DSP: variants seen among roughly 807,000 people sequenced by gnomAD.
DSP encodes the protein desmoplakin.
Under a neutral mutation model 290.6 loss-of-function variants are expected in DSP, and 114 were observed. The ratio of observed to expected loss-of-function variants is 0.39; its 90% confidence interval spans 0.34 to 0.46. DSP has a LOEUF of 0.46. Among genes scored for constraint, DSP ranks in the 20% least tolerant of loss-of-function variants. The pLI is 0.99. For missense variants in DSP, 3,230 were observed against 3,495.8 expected (o/e 0.92, Z 1.92); for synonymous variants, 1,311 against 1,316.4 (o/e 1.00, Z 0.09).
rs1759407586 is a variant in DSP at position 7,580,767 on chromosome 6, A to G, written c.4577A>G (p.Asn1526Ser). The G allele has an allele frequency of 6.2e-7, 1 of 1,614,042 alleles. No homozygotes were observed. The highest frequency in any genetic ancestry group is 1.7e-5 in the Admixed American group (1 of 60,008). The change falls in exon 23 of 24, where the codon AAC becomes AGC. Residue 1526 changes from asparagine (N) to serine (S), a missense_variant. Asn to Ser is a conservative substitution (Grantham distance 46). Transcript: ENST00000379802. This position sits in a 1 kb window ranked among gnomAD's most constrained non-coding sequence, Gnocchi z 4.2. ...KANSSATETI[N>S]KLKVQEQELT... ...AACAGTAGTGCGACGGAGACAATAA[A>G]CAAACTGAAGGTTCAGGAGCAAGAA...
rs768628249 is a variant in DSP at position 7,584,653 on chromosome 6, G to C, written c.7391G>C (p.Arg2464Pro). ...TCACAAAAGAATACCCTCAGGAAGC[G>C]TAGAGTGGTCATAGTTGACCCAGAA... ...QTSQKNTLRK[R>P]RVVIVDPETN... Residue 2464 changes from arginine to proline, a missense_variant, in exon 24 of 24, where the codon CGT becomes CCT. Arg to Pro is a moderately radical substitution (Grantham distance 103). Transcript: ENST00000379802. This position sits in a 1 kb window ranked among gnomAD's most constrained non-coding sequence, Gnocchi z 6.4. The C allele has an allele frequency of 6.2e-7, 1 of 1,614,002 alleles. No individual in the cohort carries two copies. Among genetic ancestry groups the C allele is most frequent in the Non-Finnish European group, 8.5e-7 (1 of 1,180,010 alleles).
In DSP at chr6:7,583,121, C is replaced by G. The variant is rs752518537; in HGVS notation, c.5859C>G (p.Thr1953=). 5.6e-6 allele frequency: 9 copies of G among 1,613,834 alleles called. No homozygotes were observed. The highest frequency in any genetic ancestry group is 7.6e-6 in the Non-Finnish European group (9 of 1,180,022). The change falls in exon 24 of 24, where the codon ACC becomes ACG. Residue 1953 remains threonine (T), a synonymous_variant. Coordinates refer to ENST00000379802, the MANE Select transcript of DSP (RefSeq NM_004415.4). The surrounding 1 kb of genome is among the most constrained non-coding windows in gnomAD (Gnocchi z 4.0). ...GCCCATATGGGTCCCATCGAGAGAC[C>G]CAGACTGAGTGTGAGTGGACCGTTG... The part of the protein sequence containing the change: ...RQRPYGSHRE[T]QTECEWTVDT...
chr6:7,582,700 A>C lies in DSP; in HGVS notation c.5438A>C (p.Glu1813Ala). The C allele has an allele frequency of 6.2e-7, 1 of 1,613,668 alleles. No homozygotes were observed. The highest frequency in any genetic ancestry group is 8.5e-7 in the Non-Finnish European group (1 of 1,179,846). ...TGTACTCAGGTGGTACAGGAAAGAG[A>C]GAGCCTTCTGGTGAAAATCAAAGTC... ...NQCTQVVQER[E>A]SLLVKIKVLE... The change falls in exon 24 of 24, where the codon GAG becomes GCG. Residue 1813 changes from glutamate (E) to alanine (A), a missense_variant. Transcript: ENST00000379802. The surrounding 1 kb of genome is among the most constrained non-coding windows in gnomAD (Gnocchi z 4.2).
At chr6:7,551,690 C>A (rs1758347039) in intron 1 of DSP, among the ~76,000 whole-genome samples, 1 of 151,992 alleles carries the variant, frequency 6.6e-6, no homozygotes, top group Non-Finnish European at 1.5e-5. Flanking sequence ...GCTGAAGAAT[C>A]CAGTGCTACA....
Position 7,576,338 on chromosome 6 carries a change from G to C in DSP, c.2675G>C (p.Arg892Pro). Residue 892 changes from arginine (R) to proline (P), a missense_variant, in exon 19 of 24, where the codon CGT becomes CCT. Coordinates refer to ENST00000379802, the MANE Select transcript of DSP (RefSeq NM_004415.4). ...CAAATCAAGCAATTGAGGAATTATC[G>C]TGATAACTATCAGGCTTTCTGCAAG... is the stretch of plus-strand genomic sequence containing the variant. ...EKQIKQLRNY[R>P]DNYQAFCKWL... is the part of the protein sequence containing the mutation. 3 of 1,614,060 alleles carry C rather than the reference G, an allele frequency of 1.9e-6. No homozygotes were observed. The highest frequency in any genetic ancestry group is 2.5e-6 in the Non-Finnish European group (3 of 1,179,982).
At chr6:7,577,680 G>T (rs762773678) in intron 20 of DSP, 99 bp from the exon 21 acceptor site, 7 of 986,780 alleles carry the variant, frequency 7.1e-6, no homozygotes, top group African/African-American at 1.6e-5. Context: ...TGGGCAATTA[G>T]ACGTGCAGCC....
Position 7,583,743 on chromosome 6 carries a change from T to A in DSP, c.6481T>A (p.Ser2161Thr). Residue 2161 changes from serine (S) to threonine (T), a missense_variant, in exon 24 of 24, where the codon TCC becomes ACC. Ser to Thr is a moderately conservative substitution (Grantham distance 58, BLOSUM62 1). Coordinates refer to ENST00000379802, the MANE Select transcript of DSP (RefSeq NM_004415.4). The surrounding 1 kb of genome is among the most constrained non-coding windows in gnomAD (Gnocchi z 4.0). ...RGLIDRDLYR[S>T]LNDPRDSQKN... ...GCTGATTGATAGAGATTTGTATCGA[T>A]CCCTGAATGATCCCCGAGATAGTCA... 1 of 1,614,068 alleles carries A rather than the reference T, an allele frequency of 6.2e-7. No individual in the cohort carries two copies. Among genetic ancestry groups the A allele is most frequent in the East Asian group, 2.2e-5 (1 of 44,870 alleles).
chr6:7,567,230 T>C (rs1429341146), intron 8 of DSP, 124 bp from the exon 9 acceptor site: 6 of 806,584 alleles, frequency 7.4e-6, no homozygotes, highest in Admixed American at 1.9e-5. Flanking sequence ...TAGAAAAATA[T>C]CTGCTTGACT....
Position 7,579,910 on chromosome 6 carries a change from T to C in DSP, c.3720T>C (p.Asp1240=), listed in dbSNP as rs1759365530. ...CCAAAAATCTTAGAAACCAGCTTGA[T>C]AGACTTTCAAGGGAAAATCGAGATC... ...DDSKNLRNQL[D]RLSRENRDLK... The change falls in exon 23 of 24, where the codon GAT becomes GAC. Residue 1240 remains aspartate (D), a synonymous_variant. Transcript: ENST00000379802. This position sits in a 1 kb window ranked among gnomAD's most constrained non-coding sequence, Gnocchi z 4.1. 1.2e-6 allele frequency: 2 copies of C among 1,614,144 alleles called. No individual in the cohort carries two copies. Among genetic ancestry groups the C allele is most frequent in the Non-Finnish European group, 1.7e-6 (2 of 1,180,038 alleles).
Position 7,584,524 on chromosome 6 carries a change from A to G in DSP, c.7262A>G (p.Glu2421Gly). ...AAAGGATTTTTTGACCCCAACACTGAAGAAAATCTTACCTATCTGCAACTA... is the reference window on the plus strand; with the variant it reads ...AAAGGATTTTTTGACCCCAACACTGGAGAAAATCTTACCTATCTGCAACTA... ...DTKGFFDPNTEENLTYLQLKE... is the reference protein window; with the variant it reads ...DTKGFFDPNTGENLTYLQLKE... Residue 2421 changes from glutamate (E) to glycine (G), a missense_variant, in exon 24 of 24, where the codon GAA becomes GGA. By Grantham distance (98) the Glu-to-Gly change is moderately conservative. Coordinates refer to ENST00000379802, the MANE Select transcript of DSP (RefSeq NM_004415.4). This position sits in a 1 kb window ranked among gnomAD's most constrained non-coding sequence, Gnocchi z 6.4. 1 of 1,614,182 alleles carries G rather than the reference A, an allele frequency of 6.2e-7. No homozygotes were observed.
At chr6:7,570,990 G>A (rs1759026691) in intron 13 of DSP, among the ~76,000 whole-genome samples, 2 of 152,182 alleles carry the variant, frequency 1.3e-5, no homozygotes, top group South Asian at 2.1e-4. Flanking sequence ...ATGGTCTGAA[G>A]AATCCTAGCA....
At chr6:7,572,208 A>G (rs941232931) in intron 15 of DSP, 140 bp downstream of exon 15, 2 of 811,738 alleles carry the variant, frequency 2.5e-6, no homozygotes, top group Non-Finnish European at 4.0e-6. Context: ...GGATTTCCTT[A>G]TGTATTATGT....
At chr6:7,555,142 A>G (rs1352000379) in intron 1 of DSP, among the ~76,000 whole-genome samples, 1 of 152,198 alleles carries the variant, frequency 6.6e-6, no homozygotes, top group Non-Finnish European at 1.5e-5. Flanking sequence ...GCTGTGTGTC[A>G]TTGTCATTGC....
chr6:7,584,647 G>A lies in DSP; in HGVS notation c.7385G>A (p.Arg2462Lys). 5 of 1,614,144 alleles carry A rather than the reference G, an allele frequency of 3.1e-6. No homozygotes were observed. The highest frequency in any genetic ancestry group is 3.4e-6 in the Non-Finnish European group (4 of 1,180,016). The stretch of plus-strand genomic sequence containing the variant: ...CAGACATCACAAAAGAATACCCTCA[G>A]GAAGCGTAGAGTGGTCATAGTTGAC... ...QVQTSQKNTL[R>K]KRRVVIVDPE... is the part of the protein sequence containing the mutation. The change falls in exon 24 of 24, where the codon AGG becomes AAG. Residue 2462 changes from arginine (R) to lysine (K), a missense_variant. Around this residue, in one of 5 missense-constraint regions of DSP, gnomAD observed 582 missense variants for 555.4 expected, o/e 1.05. Transcript: ENST00000379802. This position sits in a 1 kb window ranked among gnomAD's most constrained non-coding sequence, Gnocchi z 6.4.
In DSP at chr6:7,571,754, CT is replaced by C. The variant is rs1282201813; in HGVS notation, c.1904-84del. On this transcript the variant is annotated intron_variant, in intron 14 of 23. Transcript: ENST00000379802. ...CTGAAATTCAAAGGAAGAAGGTATA[CT>C]TTTAGGTAGTATGGATGTTTTTTGA... is the stretch of plus-strand genomic sequence containing the variant. 4.6e-5 allele frequency: 70 copies of C among 1,511,652 alleles called. No individual in the cohort carries two copies. In the African/African-American group the frequency reaches 6.2e-4, roughly 13 times the overall value. The allele number at this position is 1,511,652 out of a possible 1,614,324, so 93.6% of individuals were successfully genotyped here. A position where few individuals can be genotyped will look rare whatever the true frequency, so the allele number is the denominator to read the frequency against.
At chr6:7,570,307 T>C (rs1013366256) in intron 12 of DSP, 130 bp from the exon 13 acceptor site, 24 of 1,352,920 alleles carry the variant, frequency 1.8e-5, no homozygotes, top group South Asian at 4.7e-5. Context: ...TTCAAAGTTA[T>C]ACCTCTACCT....
Position 7,583,871 on chromosome 6 carries a change from A to C in DSP, c.6609A>C (p.Val2203=). The part of the protein sequence containing the change: ...EPHTGLLLLS[V]QKRSMSFQGI... ...ATACTGGTCTGCTCTTGCTTTCAGT[A>C]CAGAAGAGAAGCATGTCCTTCCAAG... is the stretch of plus-strand genomic sequence containing the variant. The change falls in exon 24 of 24, where the codon GTA becomes GTC. Residue 2203 remains valine, a synonymous_variant. Coordinates refer to ENST00000379802, the MANE Select transcript of DSP (RefSeq NM_004415.4). This position sits in a 1 kb window ranked among gnomAD's most constrained non-coding sequence, Gnocchi z 4.0. 1 of 1,614,156 alleles carries C rather than the reference A, an allele frequency of 6.2e-7. No homozygotes were observed. Among genetic ancestry groups the C allele is most frequent in the Non-Finnish European group, 8.5e-7 (1 of 1,180,026 alleles).
chr6:7,573,691 A>T (rs1759130352), intron 15 of DSP, among the ~76,000 whole-genome samples: 1 of 152,178 alleles, frequency 6.6e-6, no homozygotes, highest in African/African-American at 2.4e-5. Flanking sequence ...GATTTCACTT[A>T]TGTGTAAATT....
rs1169275493 is a variant in DSP, at chr6:7,582,735, G to C, written c.5473G>C (p.Asp1825His). The change falls in exon 24 of 24, where the codon GAC becomes CAC. Residue 1825 changes from aspartate to histidine, a missense_variant. Transcript: ENST00000379802. This position sits in a 1 kb window ranked among gnomAD's most constrained non-coding sequence, Gnocchi z 4.2. ...GGTGAAAATCAAAGTCCTGGAGCAAGACAAGGCAAGGCTGCAGAGGCTGGA... is the reference window on the plus strand; with the variant it reads ...GGTGAAAATCAAAGTCCTGGAGCAACACAAGGCAAGGCTGCAGAGGCTGGA... ...LLVKIKVLEQ[D>H]KARLQRLEDE... The C allele has an allele frequency of 2.5e-6, 4 of 1,613,804 alleles. No homozygotes were observed. The South Asian group carries it at 4.4e-5, about 18-fold the overall frequency.
Sources: gnomAD v4.1 joint callset for allele counts (sites outside exome capture counted in the v4.1 genomes callset) on GRCh38, gnomAD v4.1.1 for gene constraint, gnomAD v4.1.1 regional missense constraint, Gnocchi (gnomAD v3.1) non-coding constraint, MANE v1.5 for transcripts, NCBI Gene and HGNC (gene_info 2026-07-23, HGNC 2026-07-21) for gene names.